The following PFKP variants were observed in gnomAD, a reference collection of about 807,000 sequenced individuals.
The protein encoded by PFKP is phosphofructokinase, platelet.
In PFKP, 101 loss-of-function variants were observed where a neutral mutation model predicts 94.3. The ratio of observed to expected loss-of-function variants is 1.07; its 90% CI spans 0.91 to 1.26. PFKP has a LOEUF of 1.26. PFKP is among the 50% of genes most tolerant of loss of function. PFKP has a pLI of 0.00. For synonymous variants in PFKP, 573 were observed against 432.6 expected (o/e 1.32, Z -4.03); for missense variants, 1,145 against 1,103.3 (o/e 1.04, Z -0.53).
Position 3,105,405 on chromosome 10 carries a change from G to C in PFKP, c.678G>C (p.Leu226=). The change falls in exon 7 of 22, where the codon CTG becomes CTC. Residue 226 remains leucine, a synonymous_variant. Coordinates refer to ENST00000381125, the MANE Select transcript of PFKP (RefSeq NM_002627.5). ...VMGRHCGYLA[L]VSALACGADW... is the part of the protein sequence containing the mutation. ...CTTGTCCACATAGGTACCTGGCCCTGGTGAGTGCCTTGGCCTGCGGTGCGG... is the reference window on the plus strand; with the variant it reads ...CTTGTCCACATAGGTACCTGGCCCTCGTGAGTGCCTTGGCCTGCGGTGCGG... 6.2e-7 allele frequency: 1 copy of C among 1,613,748 alleles called. No individual in the cohort carries two copies.
chr10:3,067,693 G>T lies in PFKP; in HGVS notation c.98G>T (p.Gly33Val). 6.6e-7 allele frequency: 1 copy of T among 1,508,044 alleles called. No homozygotes were observed. 93.4% of individuals were successfully genotyped at this position (1,508,044 alleles called of 1,614,324 possible). The change falls in exon 1 of 22, where the codon GGC becomes GTC. Residue 33 changes from glycine to valine, a missense_variant. This residue lies in a region of PFKP where 1,119 missense variants were observed against 1,062.8 expected (regional missense o/e 1.05). Transcript: ENST00000381125. Reference protein sequence around the residue: ...AGKAIGVLTSGGDAQGMNAAV... With the variant: ...AGKAIGVLTSVGDAQGMNAAV... Reference sequence around the variant, plus strand: ...AAGGCCATCGGCGTGCTGACCAGCGGCGGGGATGCTCAAGGTGCGCGCCCC... The same window carrying T: ...AAGGCCATCGGCGTGCTGACCAGCGTCGGGGATGCTCAAGGTGCGCGCCCC...
At position 3,113,107 on chromosome 10, in the gene PFKP, C is replaced by T. The variant is rs1375758232; in HGVS notation, c.1155-12C>T. 2 of 1,610,594 alleles carry T rather than the reference C, an allele frequency of 1.2e-6. No individual in the cohort carries two copies. The highest frequency in any genetic ancestry group is 1.7e-6 in the Non-Finnish European group (2 of 1,178,402). On this transcript the variant is annotated splice_polypyrimidine_tract_variant and intron_variant, in intron 11 of 21. Transcript: ENST00000381125. Reference sequence around the variant, plus strand: ...TTCTCGACTCCGGTCCAACGACACCCTTTTCCTTTAGGAGCTTTGCGGGCA... The same window carrying T: ...TTCTCGACTCCGGTCCAACGACACCTTTTTCCTTTAGGAGCTTTGCGGGCA...
At chr10:3,129,591 C>G (rs1207852811) in intron 16 of PFKP, 1 of 526,216 alleles carries the variant, frequency 1.9e-6, no homozygotes, top group African/African-American at 2.0e-5. Context: ...AACGGGACAT[C>G]GAGGTCACCT....
chr10:3,080,529 A>C (rs1017231693), intron 1 of PFKP, among the ~76,000 whole-genome samples: 2 of 150,606 alleles, frequency 1.3e-5, no homozygotes, highest in African/African-American at 4.9e-5. Context: ...AAAAAAAAAA[A>C]AAAAAAAAAA....
At chr10:3,076,017 CAA>C (rs59102828) in intron 1 of PFKP, among the ~76,000 whole-genome samples, 34 of 61,840 alleles carry the variant, frequency 5.5e-4, no homozygotes, top group African/African-American at 1.2e-3. Context: ...GACTCCGTCT[CAA>C]AAAAAAAAAA....
chr10:3,102,778 C>T (rs1835143930), intron 4 of PFKP, among the ~76,000 whole-genome samples: 1 of 152,196 alleles, frequency 6.6e-6, no homozygotes, highest in Non-Finnish European at 1.5e-5. Flanking sequence ...TTAACAGCAA[C>T]TCGATGAGAG....
At chr10:3,072,266 G>A (rs1478463624) in intron 1 of PFKP, among the ~76,000 whole-genome samples, 1 of 152,216 alleles carries the variant, frequency 6.6e-6, no homozygotes, top group Non-Finnish European at 1.5e-5. Flanking sequence ...AGAAGTGTGA[G>A]GTTTCCATTG....
chr10:3,093,883 T>G (rs1834269447), intron 2 of PFKP, among the ~76,000 whole-genome samples: 2 of 152,124 alleles, frequency 1.3e-5, no homozygotes. Flanking sequence ...GACCTTGTGA[T>G]CCGCCCGCCT....
At chr10:3,105,797 A>G (rs936588115) in intron 7 of PFKP, among the ~76,000 whole-genome samples, 3 of 152,188 alleles carry the variant, frequency 2.0e-5, no homozygotes, top group Admixed American at 6.5e-5. Flanking sequence ...TGTTGGCTCC[A>G]GGCTCCACAC....
chr10:3,115,328 C>T lies in PFKP; in HGVS notation c.1372-1448C>T, dbSNP rs557920547. ...TGCTGGGGTGAAAGTGTGTGTCCCA[C>T]GGCGGAGGACAGGACTGGGGATGCT... is the stretch of plus-strand genomic sequence containing the variant. On this transcript the variant is annotated intron_variant, in intron 13 of 21. Transcript: ENST00000381125. Among the ~76,000 whole-genome samples the T allele has an allele frequency of 2.4e-5, 3 of 125,812 alleles. 1 individual carries two copies. Among genetic ancestry groups the T allele is most frequent in the East Asian group, 2.7e-4 (1 of 3,736 alleles). The allele number at this position is 125,812 out of a possible 152,430, so 82.5% of individuals were successfully genotyped here. A position where few individuals can be genotyped will look rare whatever the true frequency, so the allele number is the denominator to read the frequency against.
chr10:3,091,171 C>T (rs552345508), intron 2 of PFKP, among the ~76,000 whole-genome samples: 2 of 152,278 alleles, frequency 1.3e-5, no homozygotes, highest in African/African-American at 4.8e-5. Context: ...TGCCAGTTAA[C>T]CCATTCCTTT....
At chr10:3,098,231 T>C (rs1834656385) in intron 2 of PFKP, among the ~76,000 whole-genome samples, 1 of 152,186 alleles carries the variant, frequency 6.6e-6, no homozygotes, top group African/African-American at 2.4e-5. Context: ...TAATCTATCA[T>C]GAACTTTTCT....
Position 3,134,491 on chromosome 10 carries a change from AC to A in PFKP, c.2034del (p.Ser679LeufsTer44). On this transcript the variant is annotated frameshift_variant, in exon 20 of 22. Transcript: ENST00000381125. LOFTEE classifies it high-confidence loss of function. ...ACTCTAACCACCAACAGGGTGGGGC[AC>A]CCTCTCCATTTGATAGAAACTTTGG... ...VLGHMQQGGA[P>X]SPFDRNFGTK... 1.9e-6 allele frequency: 3 copies of A among 1,609,974 alleles called. No homozygotes were observed. Among genetic ancestry groups the A allele is most frequent in the Non-Finnish European group, 2.6e-6 (3 of 1,176,250 alleles).
At chr10:3,071,373 G>C (rs1377971096) in intron 1 of PFKP, among the ~76,000 whole-genome samples, 2 of 133,134 alleles carry the variant, frequency 1.5e-5, no homozygotes, top group Non-Finnish European at 3.2e-5. Flanking sequence ...GGCTGTTTTT[G>C]TTTGTTTGTT....
intron 1 of PFKP, among the ~76,000 whole-genome samples, chr10:3,073,570 C>T (rs1402499702): frequency 6.6e-6 from 1 of 151,850 alleles, no homozygotes; most frequent in African/African-American, 2.4e-5. Context: ...CTCCACTTCT[C>T]CAGGTTTCCC....
At chr10:3,101,586 GT>G (rs765280261) in intron 4 of PFKP, 32 bp downstream of exon 4, 2 of 1,448,340 alleles carry the variant, frequency 1.4e-6, no homozygotes, top group Admixed American at 5.4e-5. Flanking sequence ...TGTCCTGCGG[GT>G]TTTCGCCCTG....
chr10:3,114,360 G>A (rs1157413074), intron 13 of PFKP, among the ~76,000 whole-genome samples: 1 of 152,152 alleles, frequency 6.6e-6, no homozygotes, highest in Non-Finnish European at 1.5e-5. Flanking sequence ...ATGTTGGCCA[G>A]GCTGGTCTTG....
chr10:3,099,337 C>T lies in PFKP; in HGVS notation c.249C>T (p.Ser83=). ...NIAEADWESV[S]SILQVGGTII... ...CAGAGGCCGACTGGGAGAGTGTCTCCAGCATCCTGCAAGTGGTAGGTACTG... is the reference window on the plus strand; with the variant it reads ...CAGAGGCCGACTGGGAGAGTGTCTCTAGCATCCTGCAAGTGGTAGGTACTG... Residue 83 remains serine, a synonymous_variant, in exon 3 of 22, where the codon TCC becomes TCT. Transcript: ENST00000381125. 1 of 1,613,970 alleles carries T rather than the reference C, an allele frequency of 6.2e-7. No individual in the cohort carries two copies. The highest frequency in any genetic ancestry group is 1.1e-5 in the South Asian group (1 of 91,080).
chr10:3,133,225 T>G lies in PFKP; in HGVS notation c.1933T>G (p.Tyr645Asp). ...CAGAAATGAGAGCTGCAGTGAAAAC[T>G]ACACCACCGACTTCATTTACCAGCT... is the stretch of plus-strand genomic sequence containing the variant. ...VLRNESCSEN[Y>D]TTDFIYQLYS... The change falls in exon 19 of 22, where the codon TAC (tyrosine) becomes GAC (aspartate). Residue 645 changes from tyrosine to aspartate, a missense_variant. Transcript: ENST00000381125. 1 of 1,613,886 alleles carries G rather than the reference T, an allele frequency of 6.2e-7. No individual in the cohort carries two copies. Among genetic ancestry groups the G allele is most frequent in the Non-Finnish European group, 8.5e-7 (1 of 1,179,840 alleles).
Sources: allele counts gnomAD v4.1 joint callset (sites outside exome capture counted in the v4.1 genomes callset), GRCh38; gene constraint gnomAD v4.1.1; regional missense constraint gnomAD v4.1.1; transcripts MANE v1.5; gene names NCBI Gene and HGNC (gene_info 2026-07-23, HGNC 2026-07-21).